Variants in MAP2K5 observed in about 807,000 individuals in gnomAD.
The protein encoded by MAP2K5 is mitogen-activated protein kinase kinase 5, also known as dual specificity mitogen-activated protein kinase kinase 5.
A neutral mutation model predicts 83.1 loss-of-function variants in MAP2K5; 49 were observed. The ratio of observed to expected loss-of-function variants is 0.59; its 90% confidence interval spans 0.47 to 0.75. MAP2K5 has a LOEUF of 0.75. Ranked by LOEUF, MAP2K5 falls within the 30% of genes least tolerant of loss-of-function variation. The pLI, the probability that MAP2K5 is intolerant of heterozygous loss-of-function variation, is 0.00. For missense variants in MAP2K5, 457 were observed against 557.5 expected (o/e 0.82, Z 1.82); for synonymous variants, 202 against 191.8 (o/e 1.05, Z -0.44).
rs1054483255 is a variant in MAP2K5, at chr15:67,785,534, G to C, written c.1242+12782G>C. Among the ~76,000 whole-genome samples the C allele has an allele frequency of 6.6e-6, 1 of 152,162 alleles. No individual in the cohort carries two copies. Among genetic ancestry groups the C allele is most frequent in the African/African-American group, 2.4e-5 (1 of 41,442 alleles). On this transcript the variant is annotated intron_variant, in intron 21 of 21. Coordinates refer to ENST00000178640, the MANE Select transcript of MAP2K5 (RefSeq NM_145160.3). The surrounding 1 kb of genome is among the most constrained non-coding windows in gnomAD (Gnocchi z 4.4). ...ATCATACATGCAAACAAAGTAGTCA[G>C]GTCACACAAACAGGAAGCCAAACAA... is the stretch of plus-strand genomic sequence containing the variant.
intron 3 of MAP2K5, among the ~76,000 whole-genome samples, chr15:67,569,364 G>A (rs2084906642): frequency 6.6e-6 from 1 of 152,198 alleles, no homozygotes; most frequent in South Asian, 2.1e-4. Flanking sequence ...TTCAGAGAAG[G>A]TGGAGAAACG....
chr15:67,718,475 T>G (rs1031621088), intron 16 of MAP2K5, among the ~76,000 whole-genome samples: 3 of 152,068 alleles, frequency 2.0e-5, no homozygotes, highest in African/African-American at 7.2e-5. Flanking sequence ...TAAAAAATTT[T>G]TATGGGGGCT....
intron 8 of MAP2K5, chr15:67,629,069 A>G: frequency 1.3e-6 from 1 of 740,980 alleles, no homozygotes; most frequent in Non-Finnish European, 2.5e-6. Context: ...TTGCCAAACC[A>G]TGAAACCAAG....
At chr15:67,602,364 G>A (rs560994352) in intron 8 of MAP2K5, among the ~76,000 whole-genome samples, 1 of 152,292 alleles carries the variant, frequency 6.6e-6, no homozygotes, top group South Asian at 2.1e-4. Flanking sequence ...CCTTTATGCT[G>A]ATAGCCAAAT....
Position 67,658,650 on chromosome 15 carries a change from G to A in MAP2K5, c.798+36G>A, listed in dbSNP as rs772158341. 5.3e-6 allele frequency: 8 copies of A among 1,505,026 alleles called. No individual in the cohort carries two copies. The Admixed American group carries it at 1.2e-4, about 22-fold the overall frequency. 93.2% of individuals were successfully genotyped at this position (1,505,026 alleles called of 1,614,324 possible). On this transcript the variant is annotated intron_variant, in intron 12 of 21. Transcript: ENST00000178640. ...GGCTTCAGTGTTAGGAAATTTGAGTGATTTAATCCTTCTAATCAAGCTCAT... is the reference window on the plus strand; with the variant it reads ...GGCTTCAGTGTTAGGAAATTTGAGTAATTTAATCCTTCTAATCAAGCTCAT...
intron 13 of MAP2K5, among the ~76,000 whole-genome samples, chr15:67,670,134 T>C (rs2087490896): frequency 6.6e-6 from 1 of 152,154 alleles, no homozygotes; most frequent in African/African-American, 2.4e-5. Flanking sequence ...CTGTTACATG[T>C]AACAACATGG....
intron 17 of MAP2K5, among the ~76,000 whole-genome samples, chr15:67,734,066 C>T (rs895074334): frequency 1.3e-5 from 2 of 152,208 alleles, no homozygotes. Flanking sequence ...TCAGCAGATT[C>T]TTGCTGTGCT....
In MAP2K5 at chr15:67,544,143, C is replaced by T. The variant is rs375875286; in HGVS notation, c.135+673C>T. On this transcript the variant is annotated intron_variant, in intron 1 of 21. Coordinates refer to ENST00000178640, the MANE Select transcript of MAP2K5 (RefSeq NM_145160.3). ...TTGAACTCCTGCGATTTGCTTGCCT[C>T]GGCCTTCCCAAAGTGCTGAGATTAC... Among the ~76,000 whole-genome samples the T allele has an allele frequency of 8.2e-4, 125 of 152,278 alleles. 3 individuals carry two copies. The South Asian group carries it at 0.014, about 17-fold the overall frequency.
rs1476044607 is a variant in MAP2K5 at position 67,638,967 on chromosome 15, C to T, written c.586-7264C>T. Among the ~76,000 whole-genome samples the T allele has an allele frequency of 6.6e-6, 1 of 152,056 alleles. No homozygotes were observed. Among genetic ancestry groups the T allele is most frequent in the Non-Finnish European group, 1.5e-5 (1 of 68,008 alleles). On this transcript the variant is annotated intron_variant, in intron 9 of 21. Coordinates refer to ENST00000178640, the MANE Select transcript of MAP2K5 (RefSeq NM_145160.3). The surrounding 1 kb of genome is among the most constrained non-coding windows in gnomAD (Gnocchi z 4.5). ...TAGACCCCTTCCTTATACCCCTTTA[C>T]TGCAAAAATTAACTCAAAATTAAAG...
chr15:67,787,795 A>G (rs1342675943), intron 21 of MAP2K5, among the ~76,000 whole-genome samples: 1 of 152,260 alleles, frequency 6.6e-6, no homozygotes, highest in Non-Finnish European at 1.5e-5. Context: ...TGGCAAATCT[A>G]AATCACATGT....
At chr15:67,570,929 G>C (rs1454387601) in intron 3 of MAP2K5, among the ~76,000 whole-genome samples, 2 of 152,182 alleles carry the variant, frequency 1.3e-5, no homozygotes, top group African/African-American at 4.8e-5. Context: ...TATGTTGTCT[G>C]TTAGGCATGC....
Position 67,702,356 on chromosome 15 carries a change from G to C in MAP2K5, c.973-981G>C, listed in dbSNP as rs2088442955. Among the ~76,000 whole-genome samples, 1 of 152,160 alleles carries C rather than the reference G, an allele frequency of 6.6e-6. No homozygotes were observed. The highest frequency in any genetic ancestry group is 1.5e-5 in the Non-Finnish European group (1 of 68,034). On this transcript the variant is annotated intron_variant, in intron 15 of 21. Transcript: ENST00000178640. This position sits in a 1 kb window ranked among gnomAD's most constrained non-coding sequence, Gnocchi z 4.6. The stretch of plus-strand genomic sequence containing the variant: ...TGTGTTGTTGATGATAGTAATGATG[G>C]TGACAATAATGTTATTCCTGTAGCC...
rs1010920248 is a variant in MAP2K5 at position 67,600,833 on chromosome 15, T to A, written c.545+84T>A. 2.5e-5 allele frequency: 24 copies of A among 952,402 alleles called. No homozygotes were observed. In the Admixed American group the frequency reaches 5.8e-4, roughly 23 times the overall value. 59.0% of individuals were successfully genotyped at this position (952,402 alleles called of 1,614,324 possible). A position where few individuals can be genotyped will look rare whatever the true frequency, so the allele number is the denominator to read the frequency against. ...GTTCTCTGTGGCAAAGATTTTTAAATGACCACTAACACTTAGATTTTATTT... is the reference window on the plus strand; with the variant it reads ...GTTCTCTGTGGCAAAGATTTTTAAAAGACCACTAACACTTAGATTTTATTT... On this transcript the variant is annotated intron_variant, in intron 8 of 21. Transcript: ENST00000178640.
intron 4 of MAP2K5, among the ~76,000 whole-genome samples, chr15:67,583,633 T>A (rs1396116520): frequency 6.6e-6 from 1 of 152,234 alleles, no homozygotes; most frequent in Non-Finnish European, 1.5e-5. Context: ...ATTTCCTGTG[T>A]CTACCTAGTT....
intron 8 of MAP2K5, among the ~76,000 whole-genome samples, chr15:67,609,439 A>G (rs2085858368): frequency 6.6e-6 from 1 of 151,950 alleles, no homozygotes; most frequent in Non-Finnish European, 1.5e-5. Flanking sequence ...AGGTCTATAG[A>G]TTCTGTAGAC....
At position 67,640,144 on chromosome 15, in the gene MAP2K5, T is replaced by A. The variant is rs151226453; in HGVS notation, c.586-6087T>A. Among the ~76,000 whole-genome samples the A allele has an allele frequency of 3.7e-3, 566 of 152,348 alleles. 3 individuals are homozygous for A. Among genetic ancestry groups the A allele is most frequent in the African/African-American group, 0.013 (534 of 41,584 alleles). The stretch of plus-strand genomic sequence containing the variant: ...TGCCTTACTCCGTGATTCCTGCAGA[T>A]CCTTGCATATAGGGTATAGTACAAA... On this transcript the variant is annotated intron_variant, in intron 9 of 21. Coordinates refer to ENST00000178640, the MANE Select transcript of MAP2K5 (RefSeq NM_145160.3). The surrounding 1 kb of genome is among the most constrained non-coding windows in gnomAD (Gnocchi z 4.6).
intron 2 of MAP2K5, among the ~76,000 whole-genome samples, chr15:67,558,853 G>GT (rs1218662594): frequency 1.3e-5 from 2 of 152,192 alleles, no homozygotes; most frequent in African/African-American, 4.8e-5. Context: ...ATGAAGGCAG[G>GT]ATTTTGTTTG....
At chr15:67,646,523 T>C in intron 11 of MAP2K5, 54 bp downstream of exon 11, 1 of 999,396 alleles carries the variant, frequency 1.0e-6, no homozygotes, top group Non-Finnish European at 1.5e-6. Context: ...TATATAGTGC[T>C]TTAAAACCTG....
rs928819661 is a variant in MAP2K5, at chr15:67,780,139, A to G, written c.1242+7387A>G. ...ATTATATATTCATCTTATGGCCACA[A>G]GTTAGTCCATGTAGTACAGCGGCTC... On this transcript the variant is annotated intron_variant, in intron 21 of 21. Transcript: ENST00000178640. The surrounding 1 kb of genome is among the most constrained non-coding windows in gnomAD (Gnocchi z 5.0). Among the ~76,000 whole-genome samples, 2 of 152,126 alleles carry G rather than the reference A, an allele frequency of 1.3e-5. No individual in the cohort carries two copies. The highest frequency in any genetic ancestry group is 2.9e-5 in the Non-Finnish European group (2 of 67,986).
Sources: gnomAD v4.1 joint callset for allele counts (sites outside exome capture counted in the v4.1 genomes callset) on GRCh38, gnomAD v4.1.1 for gene constraint, Gnocchi (gnomAD v3.1) non-coding constraint, MANE v1.5 for transcripts, NCBI Gene and HGNC (gene_info 2026-07-23, HGNC 2026-07-21) for gene names.